The following MCC variants were observed in gnomAD, a reference collection of about 807,000 sequenced individuals.
The protein encoded by MCC is colorectal mutant cancer protein.
Under a neutral mutation model 116.2 loss-of-function variants are expected in MCC, and 90 were observed. The observed-to-expected ratio is 0.77, with a 90% CI of 0.65 to 0.92. MCC has a LOEUF of 0.92. MCC is among the 40% of genes least tolerant of loss of function. The probability of loss-of-function intolerance (pLI) is 0.00; values close to 1 mark genes in which losing one functional copy is unlikely to be tolerated. For missense variants in MCC, 1,516 were observed against 1,312.2 expected, an observed-to-expected ratio of 1.16 and a Z score of -2.40; for synonymous variants, 578 against 510.5, an observed-to-expected ratio of 1.13 and a Z score of -1.78.
chr5:113,346,340 G>C (rs1056857271), intron 2 of MCC, among the ~76,000 whole-genome samples: 2 of 152,194 alleles, frequency 1.3e-5, no homozygotes, highest in East Asian at 1.9e-4. Flanking sequence ...GCTTATGCCT[G>C]TAATCCCAGC....
intron 8 of MCC, among the ~76,000 whole-genome samples, chr5:113,093,170 A>G (rs893384990): frequency 1.3e-5 from 2 of 152,222 alleles, no homozygotes; most frequent in Admixed American, 1.3e-4. Flanking sequence ...GGGGAAGGGG[A>G]TGGGATATTA....
chr5:113,482,275 A>C (rs1772399509), intron 1 of MCC, among the ~76,000 whole-genome samples: 2 of 152,178 alleles, frequency 1.3e-5, no homozygotes, highest in Non-Finnish European at 2.9e-5. Flanking sequence ...CTGTATATCT[A>C]GGAGTAGCAT....
chr5:113,289,187 C>T lies in MCC; in HGVS notation c.627+51332G>A, dbSNP rs149170413. Among the ~76,000 whole-genome samples the T allele has an allele frequency of 2.9e-3, 444 of 151,802 alleles. 1 individual carries two copies. The highest frequency in any genetic ancestry group is 0.01 in the African/African-American group (422 of 41,346). ...CTCTACTAAAAATACAAAAATTAGC[C>T]GGGAGTGGTGGCACGTGCCTGTAAT... is the stretch of plus-strand genomic sequence containing the variant. On this transcript the variant is annotated intron_variant, in intron 3 of 18. Transcript: ENST00000408903.
At chr5:113,126,068 T>C (rs1161485487) in intron 5 of MCC, among the ~76,000 whole-genome samples, 1 of 152,222 alleles carries the variant, frequency 6.6e-6, no homozygotes, top group Non-Finnish European at 1.5e-5. Flanking sequence ...CAGGTGTTTC[T>C]CCTTGGAACA....
intron 5 of MCC, among the ~76,000 whole-genome samples, chr5:113,138,907 T>C (rs1420293364): frequency 6.6e-6 from 1 of 152,176 alleles, no homozygotes; most frequent in African/African-American, 2.4e-5. Flanking sequence ...GGGACTCTGG[T>C]TCTATAACTG....
chr5:113,027,574 C>T lies in MCC; in HGVS notation c.2880-92G>A. 3.5e-6 allele frequency: 4 copies of T among 1,144,270 alleles called. No individual in the cohort carries two copies. The South Asian group carries it at 4.2e-5, about 12-fold the overall frequency. 70.9% of individuals were successfully genotyped at this position (1,144,270 alleles called of 1,614,324 possible). ...CCACTGGATAACCAGATCTAGTGAGCACTGCTCTGAAGAAAGATCACTCAT... is the reference window on the plus strand; with the variant it reads ...CCACTGGATAACCAGATCTAGTGAGTACTGCTCTGAAGAAAGATCACTCAT... On this transcript the variant is annotated intron_variant, in intron 18 of 18. Transcript: ENST00000408903.
chr5:113,325,284 G>A (rs1275785728), intron 3 of MCC, among the ~76,000 whole-genome samples: 2 of 152,128 alleles, frequency 1.3e-5, no homozygotes, highest in African/African-American at 4.8e-5. Flanking sequence ...AGATATTATA[G>A]GGGCAGCGCT....
At chr5:113,151,087 G>A (rs575862192) in intron 4 of MCC, among the ~76,000 whole-genome samples, 12 of 152,280 alleles carry the variant, frequency 7.9e-5, no homozygotes, top group African/African-American at 1.9e-4. Flanking sequence ...TCCCTCGGTA[G>A]GCACCTTGGA....
chr5:113,096,009 G>A (rs1006702502), intron 8 of MCC, among the ~76,000 whole-genome samples: 5 of 152,160 alleles, frequency 3.3e-5, no homozygotes, highest in South Asian at 2.1e-4. Context: ...TGGGAGCCCC[G>A]GGGTGCCTGT....
intron 3 of MCC, among the ~76,000 whole-genome samples, chr5:113,199,467 C>A (rs1762580881): frequency 6.6e-6 from 1 of 151,962 alleles, no homozygotes; most frequent in African/African-American, 2.4e-5. Context: ...TGTGCTAATC[C>A]CTGAAACTGG....
chr5:113,213,555 C>T (rs1283711935), intron 3 of MCC, among the ~76,000 whole-genome samples: 5 of 152,102 alleles, frequency 3.3e-5, no homozygotes, highest in Admixed American at 6.5e-5. Context: ...CTGAAGACTG[C>T]TTGGACCCTT....
chr5:113,182,643 C>T (rs10057729), intron 3 of MCC, among the ~76,000 whole-genome samples: 4 of 152,004 alleles, frequency 2.6e-5, no homozygotes, highest in African/African-American at 7.3e-5. Context: ...AAGATACTCA[C>T]AGGGAAATAT....
chr5:113,424,660 C>T (rs1770436923), intron 1 of MCC, among the ~76,000 whole-genome samples: 1 of 152,090 alleles, frequency 6.6e-6, no homozygotes, highest in Admixed American at 6.6e-5. Flanking sequence ...TGACAGTGAG[C>T]TGAGATTGTG....
intron 5 of MCC, among the ~76,000 whole-genome samples, chr5:113,129,450 T>G (rs1369961375): frequency 6.6e-6 from 1 of 152,140 alleles, no homozygotes; most frequent in African/African-American, 2.4e-5. Context: ...CAGGGTGGCT[T>G]AAACAACAGA....
chr5:113,046,728 G>A lies in MCC; in HGVS notation c.2655+2365C>T, dbSNP rs186135203. Among the ~76,000 whole-genome samples, 189 of 115,012 alleles carry A rather than the reference G, an allele frequency of 1.6e-3. 1 individual carries two copies. The highest frequency in any genetic ancestry group is 3.3e-3 in the Admixed American group (36 of 10,890). The allele number at this position is 115,012 out of a possible 152,430, so 75.5% of individuals were successfully genotyped here. ...AAAAAAAAAGAGAGAGATTTTGAAG[G>A]TGTTTGTATGGAACCTCATCTTCCC... On this transcript the variant is annotated intron_variant, in intron 16 of 18. Transcript: ENST00000408903.
chr5:113,051,953 C>T (rs886100491), intron 15 of MCC, among the ~76,000 whole-genome samples: 3 of 151,980 alleles, frequency 2.0e-5, no homozygotes, highest in East Asian at 1.9e-4. Context: ...GAAAAGGGGA[C>T]GGCTCTGATA....
chr5:113,255,331 G>A (rs947053663), intron 3 of MCC, among the ~76,000 whole-genome samples: 10 of 152,114 alleles, frequency 6.6e-5, no homozygotes, highest in Admixed American at 1.3e-4. Context: ...TTCCTTCCCT[G>A]TTTTTCCTAT....
intron 3 of MCC, among the ~76,000 whole-genome samples, chr5:113,193,587 C>T (rs1029328828): frequency 2.0e-5 from 3 of 152,064 alleles, no homozygotes; most frequent in East Asian, 3.9e-4. Context: ...TTTGTGTATG[C>T]GTGGGTGTGG....
At chr5:113,243,679 C>T (rs1402099605) in intron 3 of MCC, among the ~76,000 whole-genome samples, 3 of 151,576 alleles carry the variant, frequency 2.0e-5, no homozygotes. Context: ...GTTTATCCTT[C>T]TTTCTGTTTA....
Sources: allele counts gnomAD v4.1 joint callset (sites outside exome capture counted in the v4.1 genomes callset), GRCh38; gene constraint gnomAD v4.1.1; transcripts MANE v1.5; gene names NCBI Gene and HGNC (gene_info 2026-07-23, HGNC 2026-07-21).